The following IQGAP2 variants were observed in gnomAD, a reference collection of about 807,000 sequenced individuals.
IQGAP2 encodes ras GTPase-activating-like protein IQGAP2.
IQGAP2 carries 173 observed loss-of-function variants against 201.3 expected under a neutral mutation model. That is an observed-to-expected ratio of 0.86 (90% confidence interval 0.76 to 0.98). IQGAP2 has a LOEUF of 0.98. Ranked by LOEUF, IQGAP2 falls within the 50% of genes least tolerant of loss-of-function variation. The probability of loss-of-function intolerance (pLI) is 0.00; values close to 1 mark genes in which losing one functional copy is unlikely to be tolerated. For missense variants in IQGAP2, 1,687 were observed against 1,864.8 expected, an observed-to-expected ratio of 0.90 and a Z score of 1.76; for synonymous variants, 675 against 673.9, an observed-to-expected ratio of 1.00 and a Z score of -0.03.
At chr5:76,485,218 C>T (rs1202491653) in intron 2 of IQGAP2, among the ~76,000 whole-genome samples, 1 of 152,134 alleles carries the variant, frequency 6.6e-6, no homozygotes, top group Non-Finnish European at 1.5e-5. Flanking sequence ...TATCCAGAGC[C>T]CAGGCCAGAA....
intron 2 of IQGAP2, among the ~76,000 whole-genome samples, chr5:76,494,009 G>A (rs141447047): frequency 6.6e-6 from 1 of 152,200 alleles, no homozygotes; most frequent in African/African-American, 2.4e-5. Context: ...ATATATGCTA[G>A]ATCATCTCTA....
chr5:76,590,693 C>G, intron 8 of IQGAP2, 107 bp downstream of exon 8: 1 of 814,628 alleles, frequency 1.2e-6, no homozygotes, highest in Non-Finnish European at 1.9e-6. Context: ...TGGCTATTTT[C>G]TCTATAGCCG....
intron 5 of IQGAP2, among the ~76,000 whole-genome samples, chr5:76,578,903 T>C (rs1745650871): frequency 1.4e-5 from 2 of 141,468 alleles, no homozygotes; most frequent in South Asian, 4.8e-4. Flanking sequence ...CTAGTTACTA[T>C]ACTAATTTTT....
chr5:76,564,308 G>A (rs1212535862), intron 3 of IQGAP2, among the ~76,000 whole-genome samples: 2 of 152,008 alleles, frequency 1.3e-5, no homozygotes, highest in Admixed American at 6.6e-5. Context: ...TTTTATTTTG[G>A]TTATAATCAA....
chr5:76,612,219 A>G (rs1043439639), intron 13 of IQGAP2, among the ~76,000 whole-genome samples: 22 of 152,212 alleles, frequency 1.4e-4, no homozygotes, highest in African/African-American at 5.3e-4. Context: ...ACAGTAGCTC[A>G]CACCTGTAAT....
chr5:76,483,945 A>G (rs1402193348), intron 2 of IQGAP2, among the ~76,000 whole-genome samples: 2 of 152,126 alleles, frequency 1.3e-5, no homozygotes, highest in African/African-American at 4.8e-5. Context: ...CTTCCTGAGA[A>G]GCCTTCTAGA....
intron 2 of IQGAP2, among the ~76,000 whole-genome samples, chr5:76,511,516 G>A (rs1452548908): frequency 1.3e-5 from 2 of 152,220 alleles, no homozygotes; most frequent in Non-Finnish European, 2.9e-5. Context: ...ACCTGTAGCT[G>A]TGAAGAAAGT....
chr5:76,455,453 CAAAAAAAAAAAA>C (rs59978990), intron 1 of IQGAP2, among the ~76,000 whole-genome samples: 4 of 81,234 alleles, frequency 4.9e-5, no homozygotes, highest in African/African-American at 1.9e-4. Context: ...GACTCTGTCT[CAAAAAAAAAAAA>C]AAAAAAAAAA....
chr5:76,523,441 A>G (rs567094276), intron 2 of IQGAP2, among the ~76,000 whole-genome samples: 2 of 152,252 alleles, frequency 1.3e-5, no homozygotes, highest in East Asian at 1.9e-4. Flanking sequence ...TTCATTAGCA[A>G]TCTCGCCATA....
At chr5:76,698,372 C>A (rs574860122) in intron 33 of IQGAP2, among the ~76,000 whole-genome samples, 215 of 152,276 alleles carry the variant, frequency 1.4e-3, no homozygotes, top group Non-Finnish European at 2.2e-3. Context: ...AGTGGCTTAC[C>A]TGTTGTATAT....
At chr5:76,625,136 T>G (rs973970505) in intron 13 of IQGAP2, among the ~76,000 whole-genome samples, 1 of 152,220 alleles carries the variant, frequency 6.6e-6, no homozygotes, top group African/African-American at 2.4e-5. Flanking sequence ...ACTCTAGTAA[T>G]CGTTAGTTCA....
chr5:76,444,230 A>G (rs1753233040), intron 1 of IQGAP2, among the ~76,000 whole-genome samples: 1 of 152,220 alleles, frequency 6.6e-6, no homozygotes, highest in African/African-American at 2.4e-5. Context: ...TATTTAAAAT[A>G]AAGGAAATTA....
rs1238168366 is a variant in IQGAP2 at position 76,686,107 on chromosome 5, T to C, written c.3905+2190T>C. Among the ~76,000 whole-genome samples, 3 of 152,230 alleles carry C rather than the reference T, an allele frequency of 2.0e-5. No individual in the cohort carries two copies. The East Asian group carries it at 5.8e-4, about 29-fold the overall frequency. On this transcript the variant is annotated intron_variant, in intron 30 of 35. Coordinates refer to ENST00000274364, the MANE Select transcript of IQGAP2 (RefSeq NM_006633.5). ...ATCCACTTGTGTATTTATGTATTCT[T>C]TTTGGAGAAATGTCTATTTAACTCC...
chr5:76,473,894 G>A (rs970153111), intron 2 of IQGAP2, among the ~76,000 whole-genome samples: 34 of 152,186 alleles, frequency 2.2e-4, no homozygotes, highest in African/African-American at 8.2e-4. Flanking sequence ...ACCGGAAGCT[G>A]CCTCATGCTG....
chr5:76,690,897 G>A (rs901564099), intron 30 of IQGAP2, among the ~76,000 whole-genome samples: 1 of 152,186 alleles, frequency 6.6e-6, no homozygotes, highest in African/African-American at 2.4e-5. Context: ...CAGCTTTAAC[G>A]ACCATGTGAG....
At chr5:76,611,982 A>G (rs1404221148) in intron 13 of IQGAP2, among the ~76,000 whole-genome samples, 1 of 152,224 alleles carries the variant, frequency 6.6e-6, no homozygotes, top group Admixed American at 6.5e-5. Flanking sequence ...GAACCTAGGA[A>G]CTGCCTCATT....
At chr5:76,693,494 A>G in intron 31 of IQGAP2, 52 bp downstream of exon 31, 1 of 1,127,708 alleles carries the variant, frequency 8.9e-7, no homozygotes, top group Non-Finnish European at 1.3e-6. Flanking sequence ...GATTTTCTTC[A>G]TAAATCTTTA....
intron 12 of IQGAP2, 36 bp from the exon 13 acceptor site, chr5:76,610,984 G>A (rs1175395847): frequency 1.3e-6 from 2 of 1,570,126 alleles, no homozygotes; most frequent in South Asian, 1.2e-5. Flanking sequence ...ATAATGTACT[G>A]TGACTTAAAA....
intron 13 of IQGAP2, among the ~76,000 whole-genome samples, chr5:76,625,941 C>T (rs756831483): frequency 1.3e-5 from 2 of 152,180 alleles, no homozygotes; most frequent in Non-Finnish European, 2.9e-5. Context: ...TATTTACTTG[C>T]CATCTCAGAA....
Sources: gnomAD v4.1 joint callset for allele counts (sites outside exome capture counted in the v4.1 genomes callset) on GRCh38, gnomAD v4.1.1 for gene constraint, MANE v1.5 for transcripts, NCBI Gene and HGNC (gene_info 2026-07-23, HGNC 2026-07-21) for gene names.